Variants in IMPG1 observed in about 807,000 individuals in gnomAD.
IMPG1 encodes the protein interphotoreceptor matrix proteoglycan of 150 kDa.
IMPG1 carries 85 observed loss-of-function variants against 92.0 expected under a neutral mutation model. The observed-to-expected ratio is 0.92, with a 90% CI of 0.78 to 1.11. The LOEUF is 1.11. Ranked by LOEUF, IMPG1 falls within the 50% of genes least tolerant of loss-of-function variation. IMPG1 has a pLI of 0.00. For missense variants in IMPG1, 1,022 were observed against 956.0 expected (o/e 1.07, Z -0.91); for synonymous variants, 367 against 334.1 (o/e 1.10, Z -1.08).
At chr6:75,976,633 C>A (rs1005721869) in intron 12 of IMPG1, among the ~76,000 whole-genome samples, 1 of 151,980 alleles carries the variant, frequency 6.6e-6, no homozygotes, top group Non-Finnish European at 1.5e-5. Context: ...AATCCTTGGC[C>A]AGGTGCGGTG....
chr6:76,053,226 G>T (rs1399267383), intron 1 of IMPG1, among the ~76,000 whole-genome samples: 1 of 152,190 alleles, frequency 6.6e-6, no homozygotes, highest in Non-Finnish European at 1.5e-5. Flanking sequence ...AATTGTACAA[G>T]TAAATCTGAG....
intron 14 of IMPG1, 49 bp from the exon 15 acceptor site, chr6:75,931,200 T>C (rs1781663966): frequency 6.5e-7 from 1 of 1,536,026 alleles, no homozygotes. Context: ...AGCTAAGCAA[T>C]GGAACTGGCA....
intron 12 of IMPG1, among the ~76,000 whole-genome samples, chr6:75,981,324 C>T (rs1782623368): frequency 6.6e-6 from 1 of 152,156 alleles, no homozygotes; most frequent in African/African-American, 2.4e-5. Context: ...TAGTCAGTAG[C>T]TTTGAACTCC....
At chr6:76,062,362 G>A (rs1259080337) in intron 1 of IMPG1, among the ~76,000 whole-genome samples, 2 of 152,120 alleles carry the variant, frequency 1.3e-5, no homozygotes, top group Non-Finnish European at 2.9e-5. Context: ...GAAACATTAT[G>A]CAGCCAATAA....
At chr6:76,035,137 G>C (rs1010388102) in intron 2 of IMPG1, among the ~76,000 whole-genome samples, 1 of 152,018 alleles carries the variant, frequency 6.6e-6, no homozygotes, top group South Asian at 2.1e-4. Flanking sequence ...GAGTGCTAGG[G>C]GCACTGAAGG....
chr6:76,025,134 C>T (rs1415642682), intron 5 of IMPG1, 60 bp downstream of exon 5: 3 of 922,812 alleles, frequency 3.3e-6, no homozygotes, highest in African/African-American at 3.3e-5. Context: ...TTATAAATAA[C>T]ATGCTATCAT....
intron 1 of IMPG1, among the ~76,000 whole-genome samples, chr6:76,043,598 A>G (rs937960064): frequency 2.6e-5 from 4 of 152,216 alleles, no homozygotes; most frequent in Admixed American, 6.5e-5. Flanking sequence ...ATCTCTGTGT[A>G]GAATACGGGC....
Position 75,984,549 on chromosome 6 carries a change from C to A in IMPG1, c.1291+18369G>T, listed in dbSNP as rs1183472687. ...TTCTTACAAGTAGAGAGTGTTCTTA[C>A]TGCAAATAAATGATAAGTATGCAAA... On this transcript the variant is annotated intron_variant, in intron 12 of 16. Coordinates refer to ENST00000369950, the MANE Select transcript of IMPG1 (RefSeq NM_001563.4). 3.3e-5 allele frequency among the ~76,000 whole-genome samples: 5 copies of A among 152,170 alleles called. No homozygotes were observed. The East Asian group carries it at 9.6e-4, about 29-fold the overall frequency.
At position 75,970,345 on chromosome 6, in the gene IMPG1, A is replaced by AATATGCTG. The variant is rs543571195; in HGVS notation, c.1292-19259_1292-19252dup. ...AAATTCAAACTTCTTTTTTTTTTTT[A>AATATGCTG]ATATGCTGCATTTCCCTTCTTAAAG... is the stretch of plus-strand genomic sequence containing the variant. On this transcript the variant is annotated intron_variant, in intron 12 of 16. Coordinates refer to ENST00000369950, the MANE Select transcript of IMPG1 (RefSeq NM_001563.4). 1.8e-3 allele frequency among the ~76,000 whole-genome samples: 266 copies of AATATGCTG among 150,446 alleles called. 2 individuals are homozygous for AATATGCTG. Among genetic ancestry groups the AATATGCTG allele is most frequent in the African/African-American group, 6.3e-3 (260 of 41,090 alleles).
intron 1 of IMPG1, among the ~76,000 whole-genome samples, chr6:76,060,753 G>A (rs998975448): frequency 1.1e-4 from 17 of 152,068 alleles, no homozygotes; most frequent in African/African-American, 2.2e-4. Context: ...CCTTCCCCAC[G>A]ACTGCAGAGG....
chr6:76,043,505 T>A (rs1010954453), intron 1 of IMPG1, among the ~76,000 whole-genome samples: 1 of 152,196 alleles, frequency 6.6e-6, no homozygotes, highest in African/African-American at 2.4e-5. Flanking sequence ...CAGAGGTACA[T>A]TCTTAGGAAA....
At position 75,981,221 on chromosome 6, in the gene IMPG1, A is replaced by G. The variant is rs1405571010; in HGVS notation, c.1291+21697T>C. Reference sequence around the variant, plus strand: ...TCTTAAGTCAAGAAGAACCACACAAACATTCTATGCTTAATACCAAAATCT... The same window carrying G: ...TCTTAAGTCAAGAAGAACCACACAAGCATTCTATGCTTAATACCAAAATCT... On this transcript the variant is annotated intron_variant, in intron 12 of 16. Coordinates refer to ENST00000369950, the MANE Select transcript of IMPG1 (RefSeq NM_001563.4). Among the ~76,000 whole-genome samples the G allele has an allele frequency of 2.6e-5, 4 of 152,308 alleles. No individual in the cohort carries two copies. In the East Asian group the frequency reaches 5.8e-4, roughly 22 times the overall value.
chr6:75,934,432 C>T (rs1562338871), intron 14 of IMPG1, among the ~76,000 whole-genome samples: 1 of 152,174 alleles, frequency 6.6e-6, no homozygotes, highest in Non-Finnish European at 1.5e-5. Flanking sequence ...ATAATGTCTT[C>T]TGTGTGCATT....
chr6:75,999,831 G>A (rs1207176179), intron 12 of IMPG1, among the ~76,000 whole-genome samples: 51 of 152,210 alleles, frequency 3.4e-4, no homozygotes. Context: ...TTGACTGAAG[G>A]TTAGACAGCA....
chr6:75,959,428 G>A (rs746312443), intron 12 of IMPG1, among the ~76,000 whole-genome samples: 8 of 152,184 alleles, frequency 5.3e-5, no homozygotes, highest in South Asian at 2.1e-4. Context: ...CTTCAGAGCC[G>A]GCAGGCAGAA....
chr6:75,976,982 TTGAA>T (rs1782547888), intron 12 of IMPG1, among the ~76,000 whole-genome samples: 1 of 152,054 alleles, frequency 6.6e-6, no homozygotes, highest in African/African-American at 2.4e-5. Context: ...GGAGAGGGCC[TTGAA>T]TGGGTGTGTT....
At chr6:76,046,244 T>A (rs1340863151) in intron 1 of IMPG1, among the ~76,000 whole-genome samples, 1 of 152,168 alleles carries the variant, frequency 6.6e-6, no homozygotes. Context: ...TAGGTAGTTC[T>A]AAAAAGCGTA....
At chr6:76,042,191 G>T in intron 1 of IMPG1, 65 bp from the exon 2 acceptor site, 1 of 851,512 alleles carries the variant, frequency 1.2e-6, no homozygotes. Flanking sequence ...GACATATATG[G>T]ATAAATGACT....
At chr6:76,056,577 T>C (rs956182905) in intron 1 of IMPG1, among the ~76,000 whole-genome samples, 3 of 152,160 alleles carry the variant, frequency 2.0e-5, no homozygotes, top group African/African-American at 4.8e-5. Flanking sequence ...AGTATGGTAA[T>C]TCTATTTTTA....
Sources: allele counts gnomAD v4.1 joint callset (sites outside exome capture counted in the v4.1 genomes callset), GRCh38; gene constraint gnomAD v4.1.1; transcripts MANE v1.5; gene names NCBI Gene and HGNC (gene_info 2026-07-23, HGNC 2026-07-21).